Variants in RIMS2 observed in about 807,000 individuals in gnomAD.
The protein encoded by RIMS2 is regulating synaptic membrane exocytosis protein 2.
In RIMS2, 59 loss-of-function variants were observed where a neutral mutation model predicts 174.4. The observed-to-expected ratio is 0.34, with a 90% confidence interval of 0.27 to 0.42. RIMS2 has a LOEUF of 0.42. Ranked by LOEUF, RIMS2 falls within the 10% of genes least tolerant of loss-of-function variation. RIMS2 has a pLI of 1.00. For missense variants in RIMS2, 1,620 were observed against 1,666.3 expected (o/e 0.97, Z 0.48); for synonymous variants, 606 against 572.5 (o/e 1.06, Z -0.84).
At chr8:104,254,289 A>G (rs1221194050), downstream of RIMS2, 1 of 152,102 alleles carries the variant, frequency 6.6e-6, no homozygotes, top group Non-Finnish European at 1.5e-5. Flanking sequence ...GTTGCCCTGT[A>G]CATAGTATGT....
intron 4 of RIMS2, among the ~76,000 whole-genome samples, chr8:103,891,951 G>T (rs968916847): frequency 6.6e-6 from 1 of 151,790 alleles, no homozygotes; most frequent in Non-Finnish European, 1.5e-5. Context: ...TTTAGATGTT[G>T]TAAGTATCAT....
chr8:103,579,651 A>G (rs992349413), intron 1 of RIMS2, among the ~76,000 whole-genome samples: 1 of 152,182 alleles, frequency 6.6e-6, no homozygotes, highest in Non-Finnish European at 1.5e-5. Context: ...TTCTTAACCT[A>G]TAAGATGTTT....
chr8:103,756,053 T>C (rs1337042178), intron 2 of RIMS2, among the ~76,000 whole-genome samples: 2 of 152,212 alleles, frequency 1.3e-5, no homozygotes, highest in Non-Finnish European at 2.9e-5. Flanking sequence ...TTTCTCCCCA[T>C]CTTTGTGGTT....
intron 16 of RIMS2, among the ~76,000 whole-genome samples, chr8:103,979,060 A>T (rs1304604790): frequency 1.4e-4 from 22 of 152,218 alleles, no homozygotes; most frequent in Admixed American, 1.3e-3. Flanking sequence ...AAGCAATTTT[A>T]AAAAGATAGT....
intron 1 of RIMS2, among the ~76,000 whole-genome samples, chr8:103,613,024 G>C (rs1445948361): frequency 6.6e-6 from 1 of 152,226 alleles, no homozygotes; most frequent in African/African-American, 2.4e-5. Context: ...CAGAGCATTG[G>C]GTCTTACTTA....
chr8:103,860,441 A>T (rs991819230), intron 3 of RIMS2, among the ~76,000 whole-genome samples: 1 of 152,180 alleles, frequency 6.6e-6, no homozygotes, highest in Non-Finnish European at 1.5e-5. Flanking sequence ...TATTTAGCAA[A>T]TAGTACATAT....
intron 19 of RIMS2, among the ~76,000 whole-genome samples, chr8:104,049,349 C>G (rs1360576909): frequency 6.6e-6 from 1 of 151,946 alleles, no homozygotes; most frequent in Non-Finnish European, 1.5e-5. Context: ...AACCCGAACC[C>G]GGGAGGCGGA....
chr8:104,184,798 T>G (rs960040958), intron 19 of RIMS2, among the ~76,000 whole-genome samples: 8 of 151,574 alleles, frequency 5.3e-5, no homozygotes, highest in African/African-American at 1.9e-4. Flanking sequence ...TTTTTAGAAG[T>G]AATAAAGATC....
intron 19 of RIMS2, among the ~76,000 whole-genome samples, chr8:104,091,377 C>A (rs75841376): frequency 0.02 from 3,070 of 151,652 alleles, 43 homozygotes; most frequent in Middle Eastern, 0.11. Flanking sequence ...ATAGCAGCTA[C>A]TTTTCTTTTT....
rs541026349 is a variant in RIMS2 at position 104,141,757 on chromosome 8, C to T, written c.3335-103159C>T. On this transcript the variant is annotated intron_variant, in intron 19 of 23. Coordinates refer to ENST00000504942, the Ensembl canonical transcript of RIMS2. ...CTGCCTCAGGATATTTGCACTTGCT[C>T]CTCTCTAAGCTTAGAACATGCTTCT... Among the ~76,000 whole-genome samples, 8 of 152,296 alleles carry T rather than the reference C, an allele frequency of 5.3e-5. No individual in the cohort carries two copies. In the South Asian group the frequency reaches 1.5e-3, roughly 28 times the overall value.
intron 19 of RIMS2, among the ~76,000 whole-genome samples, chr8:104,230,485 A>C (rs1188803492): frequency 6.6e-6 from 1 of 151,544 alleles, no homozygotes; most frequent in Non-Finnish European, 1.5e-5. Flanking sequence ...GTCTCTACTA[A>C]AAACACAAAA....
rs186110397 is a variant in RIMS2, at chr8:103,580,077, G to A, written c.176+79015G>A. 8.8e-4 allele frequency among the ~76,000 whole-genome samples: 134 copies of A among 152,126 alleles called. No individual in the cohort carries two copies. The Middle Eastern group carries it at 0.02, about 23-fold the overall frequency. On this transcript the variant is annotated intron_variant, in intron 1 of 23. Transcript: ENST00000504942. ...CAATTCGACATGAGATTTGGGTGGG[G>A]ACACAGAGCAAAACCGTATCAACCA... is the stretch of plus-strand genomic sequence containing the variant.
intron 1 of RIMS2, among the ~76,000 whole-genome samples, chr8:103,515,640 A>G (rs1419736045): frequency 2.6e-5 from 4 of 152,244 alleles, no homozygotes. Context: ...TGGAATTCAT[A>G]TCTAAAGGCA....
At chr8:103,735,955 T>G (rs1758802556) in intron 2 of RIMS2, among the ~76,000 whole-genome samples, 1 of 152,188 alleles carries the variant, frequency 6.6e-6, no homozygotes, top group Non-Finnish European at 1.5e-5. Context: ...CTTCAGCCTA[T>G]GTAGTACTTA....
At chr8:103,527,900 A>G (rs552463954) in intron 1 of RIMS2, among the ~76,000 whole-genome samples, 2 of 152,324 alleles carry the variant, frequency 1.3e-5, no homozygotes, top group Non-Finnish European at 2.9e-5. Context: ...CTTTGGGTAT[A>G]TACCCAGTAA....
At chr8:103,807,069 T>G (rs549451359) in intron 3 of RIMS2, among the ~76,000 whole-genome samples, 2 of 152,158 alleles carry the variant, frequency 1.3e-5, no homozygotes, top group Admixed American at 1.3e-4. Flanking sequence ...CAGAAGATAT[T>G]TAAAGCCATG....
At chr8:103,835,700 T>C (rs199641996) in intron 3 of RIMS2, among the ~76,000 whole-genome samples, 2 of 152,370 alleles carry the variant, frequency 1.3e-5, no homozygotes, top group East Asian at 3.9e-4. Flanking sequence ...GTAGGAATTA[T>C]ATATGTAGCT....
chr8:103,570,834 A>T (rs2092751968), intron 1 of RIMS2, among the ~76,000 whole-genome samples: 1 of 152,102 alleles, frequency 6.6e-6, no homozygotes, highest in African/African-American at 2.4e-5. Context: ...AGTAGGGAGA[A>T]CTCAATATTT....
intron 3 of RIMS2, among the ~76,000 whole-genome samples, chr8:103,813,147 T>C (rs948134591): frequency 4.6e-5 from 7 of 152,230 alleles, no homozygotes; most frequent in African/African-American, 1.7e-4. Flanking sequence ...AATATTTTAA[T>C]AGAAATGCTT....
Sources: gnomAD v4.1 joint callset for allele counts (sites outside exome capture counted in the v4.1 genomes callset) on GRCh38, gnomAD v4.1.1 for gene constraint, MANE v1.5 for transcripts, NCBI Gene and HGNC (gene_info 2026-07-23, HGNC 2026-07-21) for gene names.